PSG8: variants seen among roughly 807,000 people sequenced by gnomAD.
The protein encoded by PSG8 is pregnancy-specific beta-1-glycoprotein 8.
PSG8 carries 57 observed loss-of-function variants against 42.5 expected under a neutral mutation model. The ratio of observed to expected loss-of-function variants is 1.34; its 90% confidence interval spans 1.08 to 1.67. PSG8 has a LOEUF of 1.67. PSG8 is among the 40% of genes most tolerant of loss of function. The probability of loss-of-function intolerance (pLI) is 0.00; values close to 1 mark genes in which losing one functional copy is unlikely to be tolerated. For synonymous variants in PSG8, 280 were observed against 196.8 expected (o/e 1.42, Z -3.54); for missense variants, 783 against 518.6 (o/e 1.51, Z -4.95).
downstream of PSG8, chr19:42,753,146 T>C (rs1289916532): frequency 2.9e-6 from 2 of 691,750 alleles, no homozygotes; most frequent in Non-Finnish European, 5.3e-6. Context: ...TGTGAAGTCA[T>C]CCACTTGTTG....
intron 2 of PSG8, among the ~76,000 whole-genome samples, chr19:42,761,406 T>G (rs1443941955): frequency 1.3e-5 from 2 of 152,218 alleles, no homozygotes; most frequent in African/African-American, 4.8e-5. Flanking sequence ...AATCCCTGAC[T>G]GCTCCGATGT....
At chr19:42,762,468 A>G (rs553485265) in intron 2 of PSG8, among the ~76,000 whole-genome samples, 7 of 152,188 alleles carry the variant, frequency 4.6e-5, no homozygotes, top group Admixed American at 2.6e-4. Flanking sequence ...GTGTGGCTAG[A>G]AACTCCTAGG....
intron 2 of PSG8, among the ~76,000 whole-genome samples, chr19:42,762,122 C>A (rs1226410065): frequency 2.6e-5 from 4 of 151,246 alleles, no homozygotes; most frequent in African/African-American, 9.8e-5. Context: ...ACAGAACAGC[C>A]AGCCTAGTCA....
intron 2 of PSG8, among the ~76,000 whole-genome samples, chr19:42,760,714 C>G (rs1600416529): frequency 1.3e-5 from 2 of 152,200 alleles, no homozygotes; most frequent in African/African-American, 2.4e-5. Context: ...TCCCAAGTAG[C>G]TGGGACTACA....
intron 2 of PSG8, chr19:42,758,733 A>G (rs1231388960): frequency 1.6e-5 from 3 of 190,778 alleles, no homozygotes; most frequent in Non-Finnish European, 3.3e-5. Context: ...GGAACTTCCA[A>G]TTGTCTTTAA....
In PSG8 at chr19:42,765,500, A is replaced by G. The variant is rs775265999; in HGVS notation, c.64+18T>C. The G allele has an allele frequency of 7.5e-6, 12 of 1,609,460 alleles. No homozygotes were observed. The highest frequency in any genetic ancestry group is 2.2e-5 in the East Asian group (1 of 44,848). Reference sequence around the variant, plus strand: ...CTGCTTCCTCCTCCTGTCCTCTCCCAGGAGGTTCTCTCCTCACCTGTGAGC... The same window carrying G: ...CTGCTTCCTCCTCCTGTCCTCTCCCGGGAGGTTCTCTCCTCACCTGTGAGC... On this transcript the variant is annotated intron_variant, in intron 1 of 4. Coordinates refer to ENST00000306511, the MANE Select transcript of PSG8 (RefSeq NM_182707.3).
In PSG8 at chr19:42,758,229, G is replaced by T. The variant is rs371839942; in HGVS notation, c.482C>A (p.Ala161Asp). The T allele has an allele frequency of 1.0e-4, 167 of 1,613,902 alleles. 2 individuals are homozygous for T. Among genetic ancestry groups the T allele is most frequent in the South Asian group, 5.9e-4 (54 of 91,012 alleles). ...ACAGGTTAAGCTCACAGCCTCCATGGCCTCCCTGGGGTTTAATTTGCTGCT... is the reference window on the plus strand; with the variant it reads ...ACAGGTTAAGCTCACAGCCTCCATGTCCTCCCTGGGGTTTAATTTGCTGCT... ...ISSSKLNPRE[A>D]MEAVSLTCDP... Residue 161 changes from alanine to aspartate, a missense_variant, in exon 3 of 5, where the codon GCC (alanine) becomes GAC (aspartate). Transcript: ENST00000306511.
At chr19:42,761,188 C>A (rs1223765515) in intron 2 of PSG8, among the ~76,000 whole-genome samples, 1 of 152,162 alleles carries the variant, frequency 6.6e-6, no homozygotes, top group Non-Finnish European at 1.5e-5. Context: ...GGCTGGCTGT[C>A]CTCACTCATT....
rs1365177236 is a variant in PSG8 at position 42,755,126 on chromosome 19, G to T, written c.850C>A (p.Pro284Thr). 1 of 1,611,762 alleles carries T rather than the reference G, an allele frequency of 6.2e-7. No individual in the cohort carries two copies. Among genetic ancestry groups the T allele is most frequent in the African/African-American group, 1.3e-5 (1 of 74,812 alleles). The part of the protein sequence containing the change: ...WLNGQSLPVS[P>T]RVKRPIENRI... ...TTTTCAATGGGTCGCTTTACCCTGG[G>T]ACTGACCGGGAGGCTCTGACCATTT... is the stretch of plus-strand genomic sequence containing the variant. Residue 284 changes from proline (P) to threonine (T), a missense_variant, in exon 4 of 5, where the codon CCC (proline) becomes ACC (threonine). Coordinates refer to ENST00000306511, the MANE Select transcript of PSG8 (RefSeq NM_182707.3).
chr19:42,765,166 T>C (rs548172451), intron 1 of PSG8, among the ~76,000 whole-genome samples: 2 of 151,758 alleles, frequency 1.3e-5, no homozygotes, highest in Admixed American at 1.3e-4. Flanking sequence ...TCTTTTTTTT[T>C]TTTTGAGATG....
Position 42,764,150 on chromosome 19 carries a change from T to G in PSG8, c.196A>C (p.Ile66Leu). The change falls in exon 2 of 5, where the codon ATC becomes CTC. Residue 66 changes from isoleucine (I) to leucine (L), a missense_variant. Physicochemically the swap from Ile to Leu is conservative, Grantham distance 5. Coordinates refer to ENST00000306511, the MANE Select transcript of PSG8 (RefSeq NM_182707.3). Reference protein sequence around the residue: ...HNLPQNLTGYIWYKGQIRDLY... With the variant: ...HNLPQNLTGYLWYKGQIRDLY... ...TCCCTGATTTGCCCTTTGTACCAGATGTAGCCAGTAAGATTCTGGGGCAAA... is the reference window on the plus strand; with the variant it reads ...TCCCTGATTTGCCCTTTGTACCAGAGGTAGCCAGTAAGATTCTGGGGCAAA... 2 of 1,613,918 alleles carry G rather than the reference T, an allele frequency of 1.2e-6. No individual in the cohort carries two copies. Among genetic ancestry groups the G allele is most frequent in the Non-Finnish European group, 1.7e-6 (2 of 1,179,906 alleles).
intron 2 of PSG8, among the ~76,000 whole-genome samples, chr19:42,761,890 G>T (rs12608577): frequency 2.1e-5 from 2 of 94,694 alleles, no homozygotes; most frequent in South Asian, 7.8e-4. Flanking sequence ...GCAATTATGA[G>T]TGGATGGAGG....
chr19:42,764,448 T>A (rs1352591513), intron 1 of PSG8, among the ~76,000 whole-genome samples, 167 bp from the exon 2 acceptor site: 3 of 151,852 alleles, frequency 2.0e-5, no homozygotes, highest in Non-Finnish European at 4.4e-5. Context: ...TGTGTGTCTG[T>A]GTGTGTGTAT....
chr19:42,755,702 A>T (rs1050361064), intron 3 of PSG8: 3 of 226,482 alleles, frequency 1.3e-5, no homozygotes, highest in Non-Finnish European at 2.6e-5. Context: ...GACATTCTAG[A>T]GATGAGTAAT....
rs766147229 is a variant in PSG8, at chr19:42,754,520, C to G, written c.1056G>C (p.Leu352Phe). 4 of 1,613,658 alleles carry G rather than the reference C, an allele frequency of 2.5e-6. No homozygotes were observed. The highest frequency in any genetic ancestry group is 3.4e-6 in the Non-Finnish European group (4 of 1,179,854). Residue 352 changes from leucine to phenylalanine, a missense_variant, in exon 5 of 5, where the codon TTG becomes TTC. Leu to Phe is a conservative substitution (Grantham distance 22). Transcript: ENST00000306511. ...TYYRSGEVLY[L>F]SCSADSNPPA... ...GTGGGTTAGAGTCCGCAGAACAGGACAAGTAGAGGACTTCTCCTGAACGGT... is the reference window on the plus strand; with the variant it reads ...GTGGGTTAGAGTCCGCAGAACAGGAGAAGTAGAGGACTTCTCCTGAACGGT...
intron 3 of PSG8, among the ~76,000 whole-genome samples, chr19:42,757,324 C>T (rs1434220629): frequency 2.0e-5 from 3 of 152,052 alleles, no homozygotes; most frequent in Admixed American, 6.6e-5. Context: ...AGTGCCAATG[C>T]TCCAGGGATC....
intron 3 of PSG8, chr19:42,755,507 G>T: frequency 2.3e-6 from 2 of 854,382 alleles, no homozygotes; most frequent in Non-Finnish European, 3.5e-6. Context: ...AGCAGTGTTG[G>T]GTCATGGACA....
Position 42,754,497 on chromosome 19 carries a change from G to A in PSG8, c.1079C>T (p.Pro360Leu), listed in dbSNP as rs1600405021. 1.2e-6 allele frequency: 2 copies of A among 1,613,756 alleles called. No homozygotes were observed. The highest frequency in any genetic ancestry group is 1.7e-6 in the Non-Finnish European group (2 of 1,179,858). Reference protein sequence around the residue: ...LYLSCSADSNPPAQYSWTING... With the variant: ...LYLSCSADSNLPAQYSWTING... ...AATTGTCCAAGAATACTGTGCCGGT[G>A]GGTTAGAGTCCGCAGAACAGGACAA... Residue 360 changes from proline to leucine, a missense_variant, in exon 5 of 5, where the codon CCA becomes CTA. Transcript: ENST00000306511.
intron 2 of PSG8, among the ~76,000 whole-genome samples, chr19:42,761,632 C>T (rs1324503203): frequency 2.6e-5 from 4 of 152,028 alleles, no homozygotes; most frequent in Non-Finnish European, 5.9e-5. Context: ...CCTCCGCCCA[C>T]ATGATTCCAT....
Sources: gnomAD v4.1 joint callset for allele counts (sites outside exome capture counted in the v4.1 genomes callset) on GRCh38, gnomAD v4.1.1 for gene constraint, MANE v1.5 for transcripts, NCBI Gene and HGNC (gene_info 2026-07-23, HGNC 2026-07-21) for gene names.